The following FSHR variants were observed in gnomAD, a reference collection of about 807,000 sequenced individuals.
FSHR encodes the protein follicle stimulating hormone receptor, also known as follicle-stimulating hormone receptor.
In FSHR, 46 loss-of-function variants were observed where a neutral mutation model predicts 52.1. The ratio of observed to expected loss-of-function variants is 0.88; its 90% CI spans 0.70 to 1.13. The LOEUF is 1.13. Ranked by LOEUF, FSHR falls within the 50% of genes most tolerant of loss-of-function variation. The pLI is 0.00. For synonymous variants in FSHR, 399 were observed against 309.6 expected (o/e 1.29, Z -3.03); for missense variants, 964 against 834.6 (o/e 1.16, Z -1.91).
chr2:48,962,572 T>C lies in FSHR; in HGVS notation c.*161A>G. On this transcript the variant is annotated 3_prime_UTR_variant, in exon 10 of 10. Coordinates refer to ENST00000406846, the MANE Select transcript of FSHR (RefSeq NM_000145.4). ...ACTAATAATTCAGCTTCCTAATGTA[T>C]CACATGGAATTAATAGTTCCTGACC... The C allele has an allele frequency of 6.0e-6, 4 of 668,342 alleles. No individual in the cohort carries two copies. Among genetic ancestry groups the C allele is most frequent in the South Asian group, 1.9e-5 (1 of 53,948 alleles). The allele number at this position is 668,342 out of a possible 1,614,324, so 41.4% of individuals were successfully genotyped here.
intron 2 of FSHR, among the ~76,000 whole-genome samples, chr2:49,040,379 C>A (rs1353845032): frequency 1.3e-5 from 2 of 152,074 alleles, no homozygotes; most frequent in African/African-American, 4.8e-5. Context: ...TCTCCCTGAC[C>A]ACCTCCAGAA....
At chr2:49,113,792 C>A (rs1671508731) in intron 1 of FSHR, among the ~76,000 whole-genome samples, 1 of 152,008 alleles carries the variant, frequency 6.6e-6, no homozygotes, top group Admixed American at 6.6e-5. Flanking sequence ...TCTTGGCACC[C>A]AGGTACATAG....
intron 1 of FSHR, among the ~76,000 whole-genome samples, chr2:49,119,337 A>G (rs1671716376): frequency 6.6e-6 from 1 of 151,692 alleles, no homozygotes; most frequent in African/African-American, 2.4e-5. Context: ...TAGGCAAACA[A>G]TACATACTTT....
At position 49,140,873 on chromosome 2, in the gene FSHR, A is replaced by G. The variant is rs149167927; in HGVS notation, c.152+13393T>C. Among the ~76,000 whole-genome samples the G allele has an allele frequency of 9.4e-3, 1,436 of 152,270 alleles. 11 individuals are homozygous for G. Among genetic ancestry groups the G allele is most frequent in the Middle Eastern group, 0.017 (5 of 294 alleles). ...ATTCAGTGAGGAGCATTTAGGGAGCATTTACAGTGATTCCTGAGCCTCCAT... is the reference window on the plus strand; with the variant it reads ...ATTCAGTGAGGAGCATTTAGGGAGCGTTTACAGTGATTCCTGAGCCTCCAT... On this transcript the variant is annotated intron_variant, in intron 1 of 9. Transcript: ENST00000406846.
At chr2:48,979,629 C>T (rs1233454113) in intron 8 of FSHR, among the ~76,000 whole-genome samples, 1 of 152,076 alleles carries the variant, frequency 6.6e-6, no homozygotes, top group African/African-American at 2.4e-5. Flanking sequence ...AGGACTTGCC[C>T]CTTACCTTAA....
intron 1 of FSHR, among the ~76,000 whole-genome samples, chr2:49,098,232 A>G (rs1453253354): frequency 6.6e-6 from 1 of 152,202 alleles, no homozygotes; most frequent in African/African-American, 2.4e-5. Flanking sequence ...TAAAATACAA[A>G]GAAAAACAAG....
chr2:49,076,318 C>T (rs1168416641), intron 1 of FSHR, among the ~76,000 whole-genome samples: 2 of 152,190 alleles, frequency 1.3e-5, no homozygotes, highest in African/African-American at 4.8e-5. Flanking sequence ...AGGAGCAAGT[C>T]ATGTTCTACA....
intron 1 of FSHR, among the ~76,000 whole-genome samples, chr2:49,116,428 T>C (rs572873095): frequency 1.3e-5 from 2 of 152,190 alleles, no homozygotes; most frequent in Non-Finnish European, 2.9e-5. Flanking sequence ...ATGAGAGTTT[T>C]AGTCTTTGTT....
chr2:49,028,131 C>G (rs1254040579), intron 2 of FSHR, among the ~76,000 whole-genome samples: 2 of 152,098 alleles, frequency 1.3e-5, no homozygotes, highest in Non-Finnish European at 1.5e-5. Flanking sequence ...TTGGAGTAGC[C>G]TTTGACATAC....
intron 1 of FSHR, among the ~76,000 whole-genome samples, chr2:49,108,850 C>T (rs1007369568): frequency 6.6e-5 from 10 of 152,066 alleles, no homozygotes; most frequent in Non-Finnish European, 1.3e-4. Context: ...TAATTAGGTA[C>T]GAGGCTTTAA....
At chr2:49,139,293 C>G (rs1023257844) in intron 1 of FSHR, among the ~76,000 whole-genome samples, 1 of 152,100 alleles carries the variant, frequency 6.6e-6, no homozygotes, top group Non-Finnish European at 1.5e-5. Flanking sequence ...TATGGAGACC[C>G]ATTTGCCAAA....
chr2:49,026,003 G>A (rs114693446), intron 2 of FSHR, among the ~76,000 whole-genome samples: 1 of 152,150 alleles, frequency 6.6e-6, no homozygotes, highest in Admixed American at 6.5e-5. Flanking sequence ...TTGCCACAAG[G>A]CTCCTTTTAC....
At chr2:49,132,635 A>C (rs1162213566) in intron 1 of FSHR, among the ~76,000 whole-genome samples, 6 of 152,132 alleles carry the variant, frequency 3.9e-5, no homozygotes, top group Admixed American at 3.9e-4. Flanking sequence ...AAGTAACTTC[A>C]TTGCAATAAC....
chr2:49,062,974 G>A (rs1288160856), intron 2 of FSHR, among the ~76,000 whole-genome samples: 1 of 152,140 alleles, frequency 6.6e-6, no homozygotes, highest in Non-Finnish European at 1.5e-5. Context: ...CCTCTACACT[G>A]TTGGTGGGAA....
At chr2:49,127,818 T>TTCTTCTTCTTCTTCTTCC (rs1672085856) in intron 1 of FSHR, among the ~76,000 whole-genome samples, 1 of 68,334 alleles carries the variant, frequency 1.5e-5, no homozygotes, top group African/African-American at 5.9e-5. Context: ...CTTCTTCTTC[T>TTCTTCTTCTTCTTCTTCC]TCTTCTTCTT....
intron 1 of FSHR, among the ~76,000 whole-genome samples, chr2:49,092,639 C>T (rs1572734085): frequency 6.6e-6 from 1 of 151,656 alleles, no homozygotes; most frequent in African/African-American, 2.4e-5. Flanking sequence ...ATAGTGTTTG[C>T]TTTTGAATTT....
rs372346011 is a variant in FSHR at position 48,976,457 on chromosome 2, G to A, written c.668+6455C>T. ...TTGGCCTGAAATTTTTCTTTTTCTT[G>A]TCTCTGCCAGGTTTTGGTATCAGGA... is the stretch of plus-strand genomic sequence containing the variant. On this transcript the variant is annotated intron_variant, in intron 8 of 9. Coordinates refer to ENST00000406846, the MANE Select transcript of FSHR (RefSeq NM_000145.4). Among the ~76,000 whole-genome samples the A allele has an allele frequency of 1.4e-4, 22 of 152,066 alleles. 1 individual carries two copies. In the East Asian group the frequency reaches 3.7e-3, roughly 25 times the overall value.
intron 4 of FSHR, among the ~76,000 whole-genome samples, chr2:49,003,284 C>G (rs1414962324): frequency 6.6e-6 from 1 of 152,162 alleles, no homozygotes; most frequent in Non-Finnish European, 1.5e-5. Context: ...GGCCCACATT[C>G]TCATGAAGGG....
chr2:48,980,986 G>T (rs1297705965), intron 8 of FSHR, among the ~76,000 whole-genome samples: 2 of 152,170 alleles, frequency 1.3e-5, no homozygotes, highest in African/African-American at 4.8e-5. Flanking sequence ...TGCCTTCTTA[G>T]GAACATTCAA....
Sources: gnomAD v4.1 joint callset for allele counts (sites outside exome capture counted in the v4.1 genomes callset) on GRCh38, gnomAD v4.1.1 for gene constraint, MANE v1.5 for transcripts, NCBI Gene and HGNC (gene_info 2026-07-23, HGNC 2026-07-21) for gene names.